The following MCC variants were observed in gnomAD, a reference collection of about 807,000 sequenced individuals.
MCC encodes the protein colorectal mutant cancer protein.
A neutral mutation model predicts 116.2 loss-of-function variants in MCC; 90 were observed. The observed-to-expected ratio is 0.77, with a 90% CI of 0.65 to 0.92. The LOEUF (loss-of-function observed/expected upper bound fraction) is 0.92, where lower values mean the gene tolerates loss of function less well. Ranked by LOEUF, MCC falls within the 40% of genes least tolerant of loss-of-function variation. The pLI is 0.00. For missense variants in MCC, 1,516 were observed against 1,312.2 expected, an observed-to-expected ratio of 1.16 and a Z score of -2.40; for synonymous variants, 578 against 510.5, an observed-to-expected ratio of 1.13 and a Z score of -1.78.
intron 5 of MCC, among the ~76,000 whole-genome samples, chr5:113,134,874 C>A (rs1214701735): frequency 6.6e-6 from 1 of 151,606 alleles, no homozygotes; most frequent in African/African-American, 2.4e-5. Flanking sequence ...GGGATCTTTC[C>A]ACTTGTTTGC....
intron 17 of MCC, among the ~76,000 whole-genome samples, chr5:113,032,686 T>C (rs1751041729): frequency 6.6e-6 from 1 of 152,216 alleles, no homozygotes; most frequent in South Asian, 2.1e-4. Flanking sequence ...GGCTAAGACC[T>C]ACTGGGCTGC....
chr5:113,074,394 A>G (rs997239952), intron 11 of MCC, among the ~76,000 whole-genome samples: 3 of 152,264 alleles, frequency 2.0e-5, no homozygotes, highest in African/African-American at 4.8e-5. Flanking sequence ...ACCATCATCA[A>G]TGACCAAAGG....
intron 1 of MCC, among the ~76,000 whole-genome samples, chr5:113,415,378 A>T (rs1770113291): frequency 6.6e-6 from 1 of 152,084 alleles, no homozygotes; most frequent in South Asian, 2.1e-4. Context: ...ACTTGGTTCC[A>T]TTCTCCTCGT....
chr5:113,086,482 A>C (rs1755208789), intron 8 of MCC, among the ~76,000 whole-genome samples: 1 of 152,218 alleles, frequency 6.6e-6, no homozygotes, highest in Admixed American at 6.5e-5. Context: ...TCCCTGGAAT[A>C]GTAGGTAGGA....
chr5:113,336,352 G>A (rs1330215117), intron 3 of MCC, among the ~76,000 whole-genome samples: 2 of 151,708 alleles, frequency 1.3e-5, no homozygotes, highest in Non-Finnish European at 2.9e-5. Context: ...TACCAGGCTT[G>A]CAGTAATTCT....
At chr5:113,462,176 T>C (rs925858781) in intron 1 of MCC, among the ~76,000 whole-genome samples, 1 of 152,260 alleles carries the variant, frequency 6.6e-6, no homozygotes, top group Non-Finnish European at 1.5e-5. Flanking sequence ...CTGGTAGAGC[T>C]AGGCCTCTGG....
chr5:113,240,550 T>A (rs901610417), intron 3 of MCC, among the ~76,000 whole-genome samples: 11 of 152,310 alleles, frequency 7.2e-5, no homozygotes, highest in African/African-American at 2.6e-4. Context: ...CTCCACTGAA[T>A]CCACTCCCCT....
At chr5:113,383,960 A>T (rs1411938060) in intron 2 of MCC, among the ~76,000 whole-genome samples, 2 of 152,220 alleles carry the variant, frequency 1.3e-5, no homozygotes, top group Non-Finnish European at 2.9e-5. Flanking sequence ...CTAGCAGAGA[A>T]ACAATGAGAT....
intron 3 of MCC, among the ~76,000 whole-genome samples, chr5:113,231,944 C>T (rs1244601999): frequency 2.6e-5 from 4 of 152,070 alleles, no homozygotes; most frequent in Non-Finnish European, 5.9e-5. Context: ...TATCTGACAA[C>T]TTACTGACAC....
At chr5:113,451,444 G>C (rs1253585453) in intron 1 of MCC, among the ~76,000 whole-genome samples, 1 of 152,234 alleles carries the variant, frequency 6.6e-6, no homozygotes, top group Non-Finnish European at 1.5e-5. Flanking sequence ...CATGGATTAA[G>C]AAAACTGAGG....
chr5:113,137,662 G>T (rs572940997), intron 5 of MCC, among the ~76,000 whole-genome samples: 7 of 152,038 alleles, frequency 4.6e-5, no homozygotes, highest in South Asian at 4.2e-4. Context: ...TGCTTTTGTT[G>T]TTGTTGTTGT....
chr5:113,217,888 C>G (rs1440781250), intron 3 of MCC, among the ~76,000 whole-genome samples: 1 of 152,018 alleles, frequency 6.6e-6, no homozygotes, highest in Non-Finnish European at 1.5e-5. Context: ...AGTGTGCACA[C>G]CACGCCTGTA....
chr5:113,456,468 T>G (rs1370331942), intron 1 of MCC, among the ~76,000 whole-genome samples: 1 of 151,982 alleles, frequency 6.6e-6, no homozygotes, highest in East Asian at 1.9e-4. Flanking sequence ...CACTACCCTT[T>G]TTTTTTGAGA....
At chr5:113,049,418 C>T (rs993404223) in intron 15 of MCC, 119 bp from the exon 16 acceptor site, 9 of 788,318 alleles carry the variant, frequency 1.1e-5, no homozygotes, top group Non-Finnish European at 1.6e-5. Flanking sequence ...TGGTAGAGTT[C>T]TCACTTTGAA....
chr5:113,106,115 T>C (rs142746961), intron 6 of MCC, among the ~76,000 whole-genome samples: 483 of 151,232 alleles, frequency 3.2e-3, no homozygotes, highest in Middle Eastern at 0.014. Flanking sequence ...CCCTGTTCAC[T>C]ATGCCCCATT....
chr5:113,379,094 T>C (rs535820707), intron 2 of MCC, among the ~76,000 whole-genome samples: 16 of 152,366 alleles, frequency 1.1e-4, no homozygotes, highest in Non-Finnish European at 1.6e-4. Context: ...CCTCAGACCC[T>C]GCCTCAAGTC....
At chr5:113,452,328 T>TC (rs900562098) in intron 1 of MCC, among the ~76,000 whole-genome samples, 1 of 152,108 alleles carries the variant, frequency 6.6e-6, no homozygotes, top group Non-Finnish European at 1.5e-5. Flanking sequence ...AGTGTTTGTG[T>TC]CCCCCCCAAA....
chr5:113,214,736 A>ACACTGT (rs1242837569), intron 3 of MCC, among the ~76,000 whole-genome samples: 2 of 152,186 alleles, frequency 1.3e-5, no homozygotes, highest in African/African-American at 4.8e-5. Flanking sequence ...AACACCCTCC[A>ACACTGT]AGCCATTTTC....
chr5:113,107,042 G>T (rs1029393515), intron 6 of MCC, among the ~76,000 whole-genome samples: 3 of 152,048 alleles, frequency 2.0e-5, no homozygotes, highest in Admixed American at 2.0e-4. Flanking sequence ...CTAAACGTAA[G>T]TTCCAGGAAA....
Sources: allele counts gnomAD v4.1 joint callset (sites outside exome capture counted in the v4.1 genomes callset), GRCh38; gene constraint gnomAD v4.1.1; transcripts MANE v1.5; gene names NCBI Gene and HGNC (gene_info 2026-07-23, HGNC 2026-07-21).